Variants in GRID2 observed in about 807,000 individuals in gnomAD.
GRID2 encodes the protein glutamate receptor ionotropic, delta-2.
Under a neutral mutation model 114.8 loss-of-function variants are expected in GRID2, and 33 were observed. That is an observed-to-expected ratio of 0.29 (90% CI 0.22 to 0.38). GRID2 has a LOEUF of 0.38. GRID2 is among the 10% of genes least tolerant of loss of function. The probability of loss-of-function intolerance (pLI) is 1.00; values close to 1 mark genes in which losing one functional copy is unlikely to be tolerated. For synonymous variants in GRID2, 505 were observed against 449.9 expected (o/e 1.12, Z -1.55); for missense variants, 1,184 against 1,257.7 (o/e 0.94, Z 0.89).
intron 2 of GRID2, among the ~76,000 whole-genome samples, chr4:92,794,252 G>A (rs898956533): frequency 6.6e-6 from 1 of 151,722 alleles, no homozygotes; most frequent in Non-Finnish European, 1.5e-5. Context: ...ACAGGCATGA[G>A]CCACCACAAA....
At chr4:92,568,230 T>C (rs910657200) in intron 1 of GRID2, among the ~76,000 whole-genome samples, 2 of 151,986 alleles carry the variant, frequency 1.3e-5, no homozygotes. Flanking sequence ...CTTGGGTAAC[T>C]GGATGTCAGT....
At chr4:93,618,066 A>G (rs760982585) in intron 13 of GRID2, among the ~76,000 whole-genome samples, 7 of 152,118 alleles carry the variant, frequency 4.6e-5, no homozygotes, top group Non-Finnish European at 1.0e-4. Context: ...CTTTTGTGCT[A>G]TGACTGGGCA....
intron 13 of GRID2, among the ~76,000 whole-genome samples, chr4:93,520,874 G>C (rs746706378): frequency 3.3e-5 from 5 of 152,078 alleles, no homozygotes; most frequent in Admixed American, 2.0e-4. Flanking sequence ...GAAGAGTGAC[G>C]CAACATAACT....
chr4:92,827,500 G>A (rs540394631), intron 2 of GRID2, among the ~76,000 whole-genome samples: 13 of 151,310 alleles, frequency 8.6e-5, no homozygotes, highest in East Asian at 3.9e-4. Flanking sequence ...TCCCAGCCCC[G>A]TCAAGACCCG....
intron 2 of GRID2, among the ~76,000 whole-genome samples, chr4:92,686,254 C>G (rs865803617): frequency 4.0e-4 from 61 of 152,056 alleles, no homozygotes; most frequent in African/African-American, 1.4e-3. Context: ...AGCACATCAC[C>G]ATGAGTATTA....
At chr4:92,573,673 G>A (rs1727736811) in intron 1 of GRID2, among the ~76,000 whole-genome samples, 2 of 152,274 alleles carry the variant, frequency 1.3e-5, no homozygotes, top group South Asian at 4.1e-4. Context: ...TGTGGTCTGA[G>A]GGACTGTTTG....
intron 2 of GRID2, among the ~76,000 whole-genome samples, chr4:92,736,319 A>G (rs1488103841): frequency 6.6e-6 from 1 of 152,128 alleles, no homozygotes; most frequent in Non-Finnish European, 1.5e-5. Context: ...TAGAACCTCC[A>G]GAAGAAATAC....
At chr4:92,607,913 T>G (rs1729536074) in intron 2 of GRID2, among the ~76,000 whole-genome samples, 1 of 151,754 alleles carries the variant, frequency 6.6e-6, no homozygotes, top group African/African-American at 2.4e-5. Flanking sequence ...TATGTGTAAG[T>G]TCTGTGAAGG....
intron 1 of GRID2, among the ~76,000 whole-genome samples, chr4:92,378,388 A>G (rs1729456773): frequency 6.6e-6 from 1 of 152,164 alleles, no homozygotes; most frequent in African/African-American, 2.4e-5. Flanking sequence ...GTATTGGTTT[A>G]GTGCTGGATT....
intron 10 of GRID2, among the ~76,000 whole-genome samples, chr4:93,428,565 A>G (rs1389125294): frequency 2.6e-5 from 4 of 152,156 alleles, no homozygotes; most frequent in Non-Finnish European, 5.9e-5. Context: ...CATATTTTTG[A>G]TGCAAAAATA....
At chr4:93,597,679 C>T (rs748884768) in intron 13 of GRID2, among the ~76,000 whole-genome samples, 3 of 152,210 alleles carry the variant, frequency 2.0e-5, no homozygotes, top group Non-Finnish European at 2.9e-5. Context: ...TCCCAAGACA[C>T]TCTTCATTGC....
chr4:92,939,073 T>C (rs1385541642), intron 2 of GRID2, among the ~76,000 whole-genome samples: 1 of 147,268 alleles, frequency 6.8e-6, no homozygotes, highest in Non-Finnish European at 1.5e-5. Flanking sequence ...CTTTTGGGGA[T>C]ATACCCAGTA....
intron 2 of GRID2, among the ~76,000 whole-genome samples, chr4:93,019,146 T>C (rs1723039943): frequency 6.6e-6 from 1 of 152,160 alleles, no homozygotes; most frequent in African/African-American, 2.4e-5. Flanking sequence ...ATATATTCTC[T>C]AGGATCTAAA....
At chr4:92,942,913 C>T (rs1475716484) in intron 2 of GRID2, among the ~76,000 whole-genome samples, 1 of 152,176 alleles carries the variant, frequency 6.6e-6, no homozygotes, top group East Asian at 1.9e-4. Context: ...TCTCTTCTGG[C>T]TTGTAGAGTT....
rs538973613 is a variant in GRID2, at chr4:92,613,871, CTGTT to C, written c.244+23587_244+23590del. The stretch of plus-strand genomic sequence containing the variant: ...TTTGCTCTTTATTATTTCCTTACTT[CTGTT>C]TAATTTGTGTTATTTTTGTTTTTTA... On this transcript the variant is annotated intron_variant, in intron 2 of 15. Transcript: ENST00000282020. 3.0e-3 allele frequency among the ~76,000 whole-genome samples: 454 copies of C among 151,180 alleles called. 1 individual carries two copies. The highest frequency in any genetic ancestry group is 9.9e-3 in the African/African-American group (411 of 41,318).
At chr4:93,551,966 G>C (rs540525777) in intron 13 of GRID2, among the ~76,000 whole-genome samples, 1 of 152,024 alleles carries the variant, frequency 6.6e-6, no homozygotes, top group East Asian at 1.9e-4. Flanking sequence ...TGCCATGTTG[G>C]TGTGCTGCAC....
chr4:93,735,807 T>G (rs1560958151), intron 14 of GRID2, among the ~76,000 whole-genome samples: 1 of 152,074 alleles, frequency 6.6e-6, no homozygotes, highest in Non-Finnish European at 1.5e-5. Context: ...TATTGTTTTC[T>G]CAGGTAAGTA....
chr4:92,452,904 T>C (rs1238198756), intron 1 of GRID2, among the ~76,000 whole-genome samples: 1 of 147,646 alleles, frequency 6.8e-6, no homozygotes, highest in African/African-American at 2.5e-5. Context: ...TATATATATA[T>C]GTATGTTTCT....
At chr4:93,338,834 C>T (rs1759348796) in intron 8 of GRID2, among the ~76,000 whole-genome samples, 1 of 152,038 alleles carries the variant, frequency 6.6e-6, no homozygotes, top group African/African-American at 2.4e-5. Flanking sequence ...CAATATGACC[C>T]CCAAAGAGCC....
Sources: allele counts gnomAD v4.1 joint callset (sites outside exome capture counted in the v4.1 genomes callset), GRCh38; gene constraint gnomAD v4.1.1; transcripts MANE v1.5; gene names NCBI Gene and HGNC (gene_info 2026-07-23, HGNC 2026-07-21).